KCNH1: variants seen among roughly 807,000 people sequenced by gnomAD.
The protein encoded by KCNH1 is voltage-gated delayed rectifier potassium channel KCNH1.
KCNH1 carries 27 observed loss-of-function variants against 69.2 expected under a neutral mutation model. The observed-to-expected ratio is 0.39, with a 90% CI of 0.29 to 0.54. The LOEUF (loss-of-function observed/expected upper bound fraction) is 0.54, where lower values mean the gene tolerates loss of function less well. Among genes scored for constraint, KCNH1 ranks in the 20% least tolerant of loss-of-function variants. The pLI is 0.68. For synonymous variants in KCNH1, 456 were observed against 487.7 expected, an observed-to-expected ratio of 0.93 and a Z score of 0.86; for missense variants, 798 against 1,261.6, an observed-to-expected ratio of 0.63 and a Z score of 5.57.
intron 10 of KCNH1, among the ~76,000 whole-genome samples, chr1:210,774,445 A>G (rs1340125): frequency 0.14 from 20,874 of 152,106 alleles, 1,478 homozygotes; most frequent in Non-Finnish European, 0.16. Context: ...AGAGAGGGGG[A>G]AGCAGCATCA....
rs951739391 is a variant in KCNH1, at chr1:210,943,744, G to A, written c.1033-23675C>T. Among the ~76,000 whole-genome samples, 8 of 152,182 alleles carry A rather than the reference G, an allele frequency of 5.3e-5. 2 individuals carry two copies. The highest frequency in any genetic ancestry group is 1.5e-5 in the Non-Finnish European group (1 of 68,040). Reference sequence around the variant, plus strand: ...AAAAGCAGTGGTAGAATAAAAAGATGCTCCTTGCATCCCCAAAAGACTAGT... The same window carrying A: ...AAAAGCAGTGGTAGAATAAAAAGATACTCCTTGCATCCCCAAAAGACTAGT... On this transcript the variant is annotated intron_variant, in intron 6 of 10. Transcript: ENST00000271751.
At chr1:210,794,281 T>C (rs1376765476) in intron 9 of KCNH1, among the ~76,000 whole-genome samples, 2 of 152,198 alleles carry the variant, frequency 1.3e-5, no homozygotes, top group African/African-American at 4.8e-5. Context: ...ATCTGATAAG[T>C]TATTTAGAAT....
intron 6 of KCNH1, among the ~76,000 whole-genome samples, chr1:210,944,169 A>T (rs1203657080): frequency 1.3e-5 from 2 of 152,242 alleles, no homozygotes; most frequent in East Asian, 1.9e-4. Flanking sequence ...TCATAGAACT[A>T]TTATGAGTCT....
At chr1:211,006,121 T>G (rs1235759913) in intron 6 of KCNH1, among the ~76,000 whole-genome samples, 1 of 152,154 alleles carries the variant, frequency 6.6e-6, no homozygotes, top group Admixed American at 6.5e-5. Flanking sequence ...AGTAAAGCAG[T>G]GGAAACTCTC....
At chr1:211,052,674 TG>T in intron 5 of KCNH1, among the ~76,000 whole-genome samples, 1 of 152,354 alleles carries the variant, frequency 6.6e-6, no homozygotes, top group South Asian at 2.1e-4. Flanking sequence ...TAACATTTTT[TG>T]CTCATGGAAA....
chr1:210,765,020 G>C (rs1376347154), intron 10 of KCNH1, among the ~76,000 whole-genome samples: 1 of 152,092 alleles, frequency 6.6e-6, no homozygotes, highest in Non-Finnish European at 1.5e-5. Context: ...GAATACTACA[G>C]AGCCATTAAA....
rs545844340 is a variant in KCNH1, at chr1:210,848,669, G to A, written c.1463-44503C>T. Reference sequence around the variant, plus strand: ...AGATAGTTGGTCAAGATAGAATCTTGGTCACGTGACATTTTTCTGTATGAA... The same window carrying A: ...AGATAGTTGGTCAAGATAGAATCTTAGTCACGTGACATTTTTCTGTATGAA... On this transcript the variant is annotated intron_variant, in intron 7 of 10. Transcript: ENST00000271751. Among the ~76,000 whole-genome samples, 28 of 152,064 alleles carry A rather than the reference G, an allele frequency of 1.8e-4. 1 individual carries two copies. In the South Asian group the frequency reaches 5.4e-3, roughly 29 times the overall value.
chr1:211,052,356 G>C (rs1690222354), intron 5 of KCNH1, among the ~76,000 whole-genome samples: 1 of 152,198 alleles, frequency 6.6e-6, no homozygotes, highest in Non-Finnish European at 1.5e-5. Context: ...CCCAGTAATA[G>C]CACACTTACA....
At chr1:210,790,004 C>G (rs1191696978) in intron 9 of KCNH1, among the ~76,000 whole-genome samples, 2 of 152,024 alleles carry the variant, frequency 1.3e-5, no homozygotes, top group African/African-American at 4.8e-5. Context: ...CCTCAAAGTC[C>G]TAGGCTCAAG....
chr1:210,718,431 C>CATAA, intron 10 of KCNH1, among the ~76,000 whole-genome samples: 1 of 1,342 alleles, frequency 7.5e-4, no homozygotes. Context: ...AAAATATATA[C>CATAA]ATATATGTAT....
chr1:210,979,237 G>A (rs1316117564), intron 6 of KCNH1, among the ~76,000 whole-genome samples: 3 of 152,140 alleles, frequency 2.0e-5, no homozygotes, highest in Non-Finnish European at 4.4e-5. Context: ...GAAAATGAGA[G>A]GAATCTCAAG....
chr1:210,967,420 C>G (rs1307589525), intron 6 of KCNH1, among the ~76,000 whole-genome samples: 2 of 152,020 alleles, frequency 1.3e-5, no homozygotes, highest in Non-Finnish European at 2.9e-5. Context: ...AAAGTTTTGC[C>G]TTTCACACTT....
intron 9 of KCNH1, among the ~76,000 whole-genome samples, chr1:210,777,238 A>G (rs1177835103): frequency 6.6e-6 from 1 of 152,212 alleles, no homozygotes; most frequent in Non-Finnish European, 1.5e-5. Context: ...TATCCATTCT[A>G]AGTATGTAAG....
chr1:210,951,967 C>A (rs1688070358), intron 6 of KCNH1, among the ~76,000 whole-genome samples: 1 of 152,178 alleles, frequency 6.6e-6, no homozygotes, highest in African/African-American at 2.4e-5. Context: ...CTTGTTATCT[C>A]TCTACCTTGT....
At chr1:210,782,711 A>G (rs1684010979) in intron 9 of KCNH1, among the ~76,000 whole-genome samples, 1 of 152,064 alleles carries the variant, frequency 6.6e-6, no homozygotes, top group Non-Finnish European at 1.5e-5. Context: ...GGGCAACAAC[A>G]GTGAAACTCC....
chr1:210,967,178 T>TG (rs975889336), intron 6 of KCNH1, among the ~76,000 whole-genome samples: 1 of 150,556 alleles, frequency 6.6e-6, no homozygotes, highest in Non-Finnish European at 1.5e-5. Context: ...TGTCAGGGGT[T>TG]GGGGGGCTAG....
At chr1:210,694,994 G>C (rs138103720) in intron 10 of KCNH1, among the ~76,000 whole-genome samples, 466 of 152,382 alleles carry the variant, frequency 3.1e-3, no homozygotes, top group African/African-American at 0.011. Flanking sequence ...ATGAGAAAGG[G>C]AAGGGGGATG....
At chr1:210,830,175 T>C (rs2102438086) in intron 7 of KCNH1, among the ~76,000 whole-genome samples, 1 of 152,294 alleles carries the variant, frequency 6.6e-6, no homozygotes, top group South Asian at 2.1e-4. Context: ...CTCTCTGTCT[T>C]TGCATGGGCC....
intron 6 of KCNH1, among the ~76,000 whole-genome samples, chr1:210,976,609 A>T (rs1461383809): frequency 6.9e-6 from 1 of 143,958 alleles, no homozygotes; most frequent in East Asian, 2.1e-4. Flanking sequence ...CTGGGTATAT[A>T]CCCAAAGGAT....
Sources: allele counts gnomAD v4.1 joint callset (sites outside exome capture counted in the v4.1 genomes callset), GRCh38; gene constraint gnomAD v4.1.1; transcripts MANE v1.5; gene names NCBI Gene and HGNC (gene_info 2026-07-23, HGNC 2026-07-21).